TBC1D13: variants seen among roughly 807,000 people sequenced by gnomAD.
TBC1D13 encodes the protein TBC1 domain family member 13, also known as epididymis secretory sperm binding protein.
Under a neutral mutation model 53.6 loss-of-function variants are expected in TBC1D13, and 40 were observed. The ratio of observed to expected loss-of-function variants is 0.75; its 90% CI spans 0.58 to 0.97. The LOEUF is 0.97. Among genes scored for constraint, TBC1D13 ranks in the 50% least tolerant of loss-of-function variants. The pLI is 0.00. For synonymous variants in TBC1D13, 182 were observed against 197.7 expected (o/e 0.92, Z 0.67); for missense variants, 377 against 499.4 (o/e 0.75, Z 2.34).
intron 6 of TBC1D13, among the ~76,000 whole-genome samples, chr9:128,795,897 A>G (rs1205911459): frequency 6.6e-6 from 1 of 152,032 alleles, no homozygotes; most frequent in Non-Finnish European, 1.5e-5. Context: ...CCTGACCTAG[A>G]TAAATATTTT....
intron 7 of TBC1D13, among the ~76,000 whole-genome samples, chr9:128,799,189 G>C (rs941379823): frequency 6.6e-6 from 1 of 152,212 alleles, no homozygotes; most frequent in Non-Finnish European, 1.5e-5. Context: ...TTTCCTGGCT[G>C]AAGGGCCGGG....
Position 128,791,634 on chromosome 9 carries a change from C to A in TBC1D13, c.241C>A (p.Pro81Thr). The A allele has an allele frequency of 6.2e-7, 1 of 1,614,234 alleles. No individual in the cohort carries two copies. Among genetic ancestry groups the A allele is most frequent in the Non-Finnish European group, 8.5e-7 (1 of 1,180,038 alleles). Residue 81 changes from proline to threonine, a missense_variant, in exon 5 of 12, where the codon CCT (proline) becomes ACT (threonine). Transcript: ENST00000372648. The part of the protein sequence containing the change: ...AQFLREMIIQ[P>T]GIAKANMGVS... ...GTTCCTGAGGGAAATGATCATCCAG[C>A]CTGGCATTGCCAAGGCCAACATGGG...
At chr9:128,802,982 G>A (rs566104660) in intron 7 of TBC1D13, among the ~76,000 whole-genome samples, 1 of 152,264 alleles carries the variant, frequency 6.6e-6, no homozygotes, top group South Asian at 2.1e-4. Context: ...TGATCCTCCT[G>A]CCTTGGCCTC....
intron 2 of TBC1D13, among the ~76,000 whole-genome samples, chr9:128,789,434 G>A (rs1829489521): frequency 6.6e-6 from 1 of 152,018 alleles, no homozygotes; most frequent in African/African-American, 2.4e-5. Flanking sequence ...AGCAACTGCG[G>A]TAGTGAGCTT....
At chr9:128,788,452 T>G in intron 2 of TBC1D13, 45 bp downstream of exon 2, 1 of 1,578,418 alleles carries the variant, frequency 6.3e-7, no homozygotes. Context: ...ACAGCAGCCC[T>G]GTGGCTAGAA....
intron 9 of TBC1D13, among the ~76,000 whole-genome samples, chr9:128,805,102 T>G (rs945355777): frequency 2.6e-5 from 4 of 152,088 alleles, no homozygotes; most frequent in Non-Finnish European, 5.9e-5. Context: ...TCCTAGCACT[T>G]TGGGAGACTG....
chr9:128,788,501 G>GCCCC, intron 2 of TBC1D13, 94 bp downstream of exon 2: 2 of 1,103,418 alleles, frequency 1.8e-6, no homozygotes, highest in Non-Finnish European at 2.7e-6. Flanking sequence ...CTGGGGCCCA[G>GCCCC]CTGCTGGGGG....
chr9:128,791,538 T>C, intron 4 of TBC1D13, 56 bp from the exon 5 acceptor site: 1 of 1,608,988 alleles, frequency 6.2e-7, no homozygotes, highest in South Asian at 1.1e-5. Flanking sequence ...GCTGCTCTGC[T>C]CTGGGCTCCC....
chr9:128,789,168 A>T (rs1477322636), intron 2 of TBC1D13, among the ~76,000 whole-genome samples: 1 of 152,026 alleles, frequency 6.6e-6, no homozygotes, highest in Non-Finnish European at 1.5e-5. Context: ...CTAAAAATAT[A>T]AAAAAGTAGC....
Position 128,808,012 on chromosome 9 carries a change from C to A in TBC1D13, c.*133C>A. 1.3e-6 allele frequency: 1 copy of A among 785,914 alleles called. No individual in the cohort carries two copies. Among genetic ancestry groups the A allele is most frequent in the South Asian group, 1.5e-5 (1 of 67,020 alleles). 48.7% of individuals were successfully genotyped at this position (785,914 alleles called of 1,614,324 possible). A position where few individuals can be genotyped will look rare whatever the true frequency, so the allele number is the denominator to read the frequency against. ...GATCGGCCCGAGACCCAGGCCATGC[C>A]CACTGGGGACACACTGTGCCGTGCT... On this transcript the variant is annotated 3_prime_UTR_variant, in exon 12 of 12. Transcript: ENST00000372648.
chr9:128,799,208 G>T (rs1196814918), intron 7 of TBC1D13, among the ~76,000 whole-genome samples: 2 of 152,222 alleles, frequency 1.3e-5, no homozygotes, highest in African/African-American at 2.4e-5. Context: ...GGAGGGGACT[G>T]GCTCCTGTCA....
intron 1 of TBC1D13, among the ~76,000 whole-genome samples, chr9:128,787,647 C>G (rs1166641341): frequency 1.4e-5 from 2 of 148,098 alleles, no homozygotes; most frequent in African/African-American, 5.0e-5. Flanking sequence ...TCCAGACCCC[C>G]ATGCCCCGCC....
intron 2 of TBC1D13, among the ~76,000 whole-genome samples, chr9:128,789,208 A>AGCTACTCG: frequency 6.7e-6 from 1 of 149,698 alleles, no homozygotes; most frequent in Non-Finnish European, 1.5e-5. Context: ...CTGTAATCCC[A>AGCTACTCG]GCTACTCGGG....
chr9:128,792,965 T>A (rs963271879), intron 6 of TBC1D13, among the ~76,000 whole-genome samples: 1 of 152,224 alleles, frequency 6.6e-6, no homozygotes, highest in Admixed American at 6.5e-5. Flanking sequence ...AAGACAGACA[T>A]TCAGCCCATT....
intron 7 of TBC1D13, among the ~76,000 whole-genome samples, chr9:128,802,403 G>A (rs1048468271): frequency 6.6e-6 from 1 of 152,116 alleles, no homozygotes; most frequent in African/African-American, 2.4e-5. Flanking sequence ...GTGCAATTAC[G>A]TGTACAATTA....
intron 2 of TBC1D13, 76 bp downstream of exon 2, chr9:128,788,483 G>C: frequency 1.5e-6 from 2 of 1,351,086 alleles, no homozygotes; most frequent in Non-Finnish European, 2.1e-6. Flanking sequence ...GGCCACACCT[G>C]GTCAGCTCTG....
rs191945819 is a variant in TBC1D13, at chr9:128,792,907, G to A, written c.383+333G>A. 1.8e-3 allele frequency among the ~76,000 whole-genome samples: 267 copies of A among 152,350 alleles called. 2 individuals carry two copies. Among genetic ancestry groups the A allele is most frequent in the African/African-American group, 5.9e-3 (247 of 41,576 alleles). On this transcript the variant is annotated intron_variant, in intron 6 of 11. Coordinates refer to ENST00000372648, the MANE Select transcript of TBC1D13 (RefSeq NM_018201.5). ...GCACTAAGTTCAGGGTTGAGCACTG[G>A]TGTGTTCCCTCTCCTTAAGGATCTT...
intron 7 of TBC1D13, 50 bp downstream of exon 7, chr9:128,797,264 T>G: frequency 6.3e-7 from 1 of 1,593,254 alleles, no homozygotes; most frequent in Non-Finnish European, 8.6e-7. Context: ...GTATTTTCTT[T>G]CCTTTTTCTC....
chr9:128,792,451 TA>T (rs769688364), intron 5 of TBC1D13, 40 bp from the exon 6 acceptor site: 1 of 1,600,524 alleles, frequency 6.2e-7, no homozygotes, highest in South Asian at 1.1e-5. Flanking sequence ...CCCCGGGGCC[TA>T]GCTGGGCCTT....
Sources: gnomAD v4.1 joint callset for allele counts (sites outside exome capture counted in the v4.1 genomes callset) on GRCh38, gnomAD v4.1.1 for gene constraint, MANE v1.5 for transcripts, NCBI Gene and HGNC (gene_info 2026-07-23, HGNC 2026-07-21) for gene names.